EPG5: variants seen among roughly 807,000 people sequenced by gnomAD.
The protein encoded by EPG5 is ectopic P granules protein 5 homolog.
A neutral mutation model predicts 302.7 loss-of-function variants in EPG5; 159 were observed. That is an observed-to-expected ratio of 0.53 (90% CI 0.46 to 0.60). The LOEUF (loss-of-function observed/expected upper bound fraction) is 0.60. Ranked by LOEUF, EPG5 falls within the 20% of genes least tolerant of loss-of-function variation. EPG5 has a pLI of 0.00. For synonymous variants in EPG5, 1,158 were observed against 1,136.8 expected, an observed-to-expected ratio of 1.02 and a Z score of -0.37; for missense variants, 2,896 against 3,092.4, an observed-to-expected ratio of 0.94 and a Z score of 1.51.
chr18:45,891,844 A>G (rs1039438950), intron 27 of EPG5, among the ~76,000 whole-genome samples: 5 of 152,234 alleles, frequency 3.3e-5, no homozygotes, highest in African/African-American at 1.2e-4. Flanking sequence ...TATCTGAATT[A>G]AATTTGAAAT....
chr18:45,912,549 T>G (rs1458963577), intron 21 of EPG5, 93 bp from the exon 22 acceptor site: 2 of 1,201,720 alleles, frequency 1.7e-6, no homozygotes, highest in African/African-American at 3.2e-5. Flanking sequence ...ACACCAAACA[T>G]TCTGTTTTCA....
chr18:45,907,865 A>T (rs1166731690), intron 24 of EPG5, 93 bp downstream of exon 24: 3 of 1,250,598 alleles, frequency 2.4e-6, no homozygotes, highest in Non-Finnish European at 2.2e-6. Context: ...CCATTTTCTT[A>T]TCAATAAATT....
chr18:45,872,119 CTTAA>C, intron 35 of EPG5, among the ~76,000 whole-genome samples: 1 of 152,264 alleles, frequency 6.6e-6, no homozygotes, highest in East Asian at 1.9e-4. Context: ...ATGACTAAAA[CTTAA>C]TTAACCCTTG....
At position 45,865,641 on chromosome 18, in the gene EPG5, T is replaced by G; in HGVS notation, c.6740A>C (p.Asp2247Ala). 1 of 1,613,954 alleles carries G rather than the reference T, an allele frequency of 6.2e-7. No homozygotes were observed. The highest frequency in any genetic ancestry group is 8.5e-7 in the Non-Finnish European group (1 of 1,179,960). The change falls in exon 39 of 44, where the codon GAC becomes GCC. Residue 2247 changes from aspartate (D) to alanine (A), a missense_variant. Asp to Ala is a moderately radical substitution (Grantham distance 126, BLOSUM62 -2). This residue lies in a region of EPG5 where 620 missense variants were observed against 704.2 expected (regional missense o/e 0.88). Coordinates refer to ENST00000282041, the MANE Select transcript of EPG5 (RefSeq NM_020964.3). ...VLEQEMSKLL[D>A]DIIVFNPPDM... The stretch of plus-strand genomic sequence containing the variant: ...GGGCGGGTTAAAGACAATGATATCG[T>G]CTAAGAGCTTAGACATTTCCTGTTC...
chr18:45,872,244 T>C (rs1334297458), intron 35 of EPG5, among the ~76,000 whole-genome samples: 1 of 152,174 alleles, frequency 6.6e-6, no homozygotes, highest in East Asian at 1.9e-4. Flanking sequence ...CAAGTATCAA[T>C]TCCATTAATG....
intron 24 of EPG5, among the ~76,000 whole-genome samples, chr18:45,906,344 A>G (rs2049751118): frequency 6.6e-6 from 1 of 152,164 alleles, no homozygotes; most frequent in East Asian, 1.9e-4. Flanking sequence ...AAAAGTATAC[A>G]TGGCCCTTAG....
chr18:45,854,430 C>T (rs1051337174), intron 43 of EPG5, among the ~76,000 whole-genome samples: 1 of 152,228 alleles, frequency 6.6e-6, no homozygotes, highest in Non-Finnish European at 1.5e-5. Flanking sequence ...CCCTGCAGAG[C>T]AGGGAATGGG....
At chr18:45,913,418 C>T (rs1465409248) in intron 21 of EPG5, among the ~76,000 whole-genome samples, 1 of 152,176 alleles carries the variant, frequency 6.6e-6, no homozygotes, top group African/African-American at 2.4e-5. Context: ...TAGGAATCTG[C>T]TTTTTAACAA....
Position 45,930,949 on chromosome 18 carries a change from C to T in EPG5, c.2258-119G>A. On this transcript the variant is annotated intron_variant, in intron 11 of 43. Transcript: ENST00000282041. The stretch of plus-strand genomic sequence containing the variant: ...AGATACAAAAGGTCTTTCTTTGTTC[C>T]AAAATAGATTTCTACAGGCATCAGG... The T allele has an allele frequency of 9.1e-6, 9 of 985,040 alleles. No homozygotes were observed. In the South Asian group the frequency reaches 1.9e-4, roughly 21 times the overall value. The allele number at this position is 985,040 out of a possible 1,614,324, so 61.0% of individuals were successfully genotyped here.
intron 10 of EPG5, among the ~76,000 whole-genome samples, chr18:45,938,354 T>C (rs1268818031): frequency 6.6e-6 from 1 of 150,866 alleles, no homozygotes; most frequent in Non-Finnish European, 1.5e-5. Flanking sequence ...CCCAGCTACT[T>C]GGAAGGCTGA....
At chr18:45,915,963 T>TTAGAA in intron 19 of EPG5, 46 bp downstream of exon 19, 1 of 1,515,484 alleles carries the variant, frequency 6.6e-7, no homozygotes, top group Non-Finnish European at 8.9e-7. Flanking sequence ...AAAGCTACTT[T>TTAGAA]ATCTAGCCAA....
intron 14 of EPG5, among the ~76,000 whole-genome samples, 180 bp downstream of exon 14, chr18:45,925,558 T>C (rs953337801): frequency 6.6e-6 from 1 of 152,232 alleles, no homozygotes; most frequent in African/African-American, 2.4e-5. Context: ...TTATCCTCAT[T>C]TAATAGTTGC....
intron 14 of EPG5, among the ~76,000 whole-genome samples, chr18:45,924,008 C>G (rs1292016377): frequency 6.9e-6 from 1 of 145,920 alleles, no homozygotes; most frequent in Non-Finnish European, 1.5e-5. Flanking sequence ...GCCTGGGTGA[C>G]AGAGTGAGAT....
intron 14 of EPG5, among the ~76,000 whole-genome samples, chr18:45,925,270 G>A (rs984568703): frequency 3.3e-5 from 5 of 152,062 alleles, no homozygotes; most frequent in South Asian, 2.1e-4. Flanking sequence ...TCAGGAGTTC[G>A]AGACCAGCCT....
In EPG5 at chr18:45,955,058, T is replaced by C; in HGVS notation, c.344A>G (p.Asp115Gly). 3 of 1,614,176 alleles carry C rather than the reference T, an allele frequency of 1.9e-6. No individual in the cohort carries two copies. The Admixed American group carries it at 5.0e-5, about 27-fold the overall frequency. Residue 115 changes from aspartate to glycine, a missense_variant, in exon 2 of 44, where the codon GAC becomes GGC. By Grantham distance (94) the Asp-to-Gly change is moderately conservative. Transcript: ENST00000282041. ...EGGEARPCVGDSAVTPKVHPG... is the reference protein window; with the variant it reads ...EGGEARPCVGGSAVTPKVHPG... ...GTGGACCTTTGGAGTGACTGCACTGTCCCCCACACAGGGTCTGGCCTCTCC... is the reference window on the plus strand; with the variant it reads ...GTGGACCTTTGGAGTGACTGCACTGCCCCCCACACAGGGTCTGGCCTCTCC...
Position 45,951,206 on chromosome 18 carries a change from G to A in EPG5, c.1285C>T (p.Leu429=), listed in dbSNP as rs2050900301. 4 of 1,579,066 alleles carry A rather than the reference G, an allele frequency of 2.5e-6. No individual in the cohort carries two copies. Among genetic ancestry groups the A allele is most frequent in the Middle Eastern group, 1.7e-4 (1 of 5,966 alleles). Residue 429 remains leucine, a synonymous_variant, in exon 4 of 44, where the codon CTG becomes TTG. Transcript: ENST00000282041. Reference sequence around the variant, plus strand: ...CTAATGCATTCCTTTAGTTGACACAGATCAGAGGGAATGCTTTCTGTCTGC... The same window carrying A: ...CTAATGCATTCCTTTAGTTGACACAAATCAGAGGGAATGCTTTCTGTCTGC... ...SKQTESIPSD[L]CQLKECISVL...
At chr18:45,900,773 C>T (rs1429449852) in intron 26 of EPG5, among the ~76,000 whole-genome samples, 1 of 152,166 alleles carries the variant, frequency 6.6e-6, no homozygotes, top group Non-Finnish European at 1.5e-5. Flanking sequence ...AATGCCACCA[C>T]AGGAAATGTG....
rs904283996 is a variant in EPG5, at chr18:45,946,714, G to A, written c.1626C>T (p.Ser542=). 3.7e-6 allele frequency: 6 copies of A among 1,614,056 alleles called. No individual in the cohort carries two copies. Among genetic ancestry groups the A allele is most frequent in the Non-Finnish European group, 4.2e-6 (5 of 1,180,046 alleles). ...TCCAAGTCCCAGACCCAGGCCCTGA[G>A]GAGGATGGCTTCCGCTCGCTGGGCT... ...HMKPSERKPS[S]SGPGSGTWTL... is the part of the protein sequence containing the mutation. The change falls in exon 7 of 44, where the codon TCC becomes TCT. Residue 542 remains serine (S), a synonymous_variant. Transcript: ENST00000282041.
At chr18:45,803,200 G>A in the EPG5 span, among the ~76,000 whole-genome samples, 1 of 152,204 alleles carries the variant, frequency 6.6e-6, no homozygotes, top group Non-Finnish European at 1.5e-5. Flanking sequence ...AATATGGGAT[G>A]AGGCCAGAAG....
Sources: gnomAD v4.1 joint callset for allele counts (sites outside exome capture counted in the v4.1 genomes callset) on GRCh38, gnomAD v4.1.1 for gene constraint, gnomAD v4.1.1 regional missense constraint, MANE v1.5 for transcripts, NCBI Gene and HGNC (gene_info 2026-07-23, HGNC 2026-07-21) for gene names.